Variants in NARS2 observed in about 807,000 individuals in gnomAD.
NARS2 encodes asparaginyl-tRNA synthetase.
In NARS2, 60 loss-of-function variants were observed where a neutral mutation model predicts 62.9. The ratio of observed to expected loss-of-function variants is 0.95; its 90% confidence interval spans 0.77 to 1.18. The LOEUF is 1.18. Among genes scored for constraint, NARS2 ranks in the 50% most tolerant of loss-of-function variants. The pLI, the probability that NARS2 is intolerant of heterozygous loss-of-function variation, is 0.00. For synonymous variants in NARS2, 196 were observed against 200.0 expected (o/e 0.98, Z 0.17); for missense variants, 619 against 576.4 (o/e 1.07, Z -0.76).
At position 78,472,411 on chromosome 11, in the gene NARS2, A is replaced by G. The variant is rs545903020; in HGVS notation, c.960-3098T>C. 2.6e-4 allele frequency among the ~76,000 whole-genome samples: 40 copies of G among 152,324 alleles called. No homozygotes were observed. The South Asian group carries it at 8.3e-3, about 32-fold the overall frequency. On this transcript the variant is annotated intron_variant, in intron 9 of 13. Transcript: ENST00000281038. ...AGTAAAATTGCTCAACTACAAAGAT[A>G]ATTATTGTCATCCTTCGCCTCAAAT...
chr11:78,476,909 G>A (rs761406524), intron 9 of NARS2, among the ~76,000 whole-genome samples: 123 of 152,166 alleles, frequency 8.1e-4, no homozygotes, highest in Non-Finnish European at 8.1e-4. Flanking sequence ...TCTGAGCTTT[G>A]AAATCAGATG....
At chr11:78,445,613 T>C (rs546346591) in intron 11 of NARS2, among the ~76,000 whole-genome samples, 11 of 152,166 alleles carry the variant, frequency 7.2e-5, no homozygotes, top group Middle Eastern at 3.4e-3. Context: ...CAAAGCGAGA[T>C]TTTGTCTGTC....
At chr11:78,487,980 C>G (rs1456775352) in intron 7 of NARS2, among the ~76,000 whole-genome samples, 5 of 152,090 alleles carry the variant, frequency 3.3e-5, no homozygotes, top group African/African-American at 1.2e-4. Flanking sequence ...AGAAGGAAAT[C>G]TGGAACTTGA....
intron 11 of NARS2, among the ~76,000 whole-genome samples, chr11:78,452,872 T>C (rs1260229603): frequency 6.6e-6 from 1 of 152,182 alleles, no homozygotes; most frequent in Non-Finnish European, 1.5e-5. Flanking sequence ...GTCTGTACTT[T>C]ATGGAAAAAG....
intron 5 of NARS2, among the ~76,000 whole-genome samples, chr11:78,554,508 C>CGTGCGTGCGTGTGTGTGT (rs112168447): frequency 2.7e-5 from 4 of 146,914 alleles, no homozygotes; most frequent in Non-Finnish European, 6.0e-5. Context: ...GGCGTGTGTG[C>CGTGCGTGCGTGTGTGTGT]GTGTGTGTGT....
At chr11:78,572,656 T>C (rs955096807) in intron 1 of NARS2, among the ~76,000 whole-genome samples, 4 of 152,212 alleles carry the variant, frequency 2.6e-5, no homozygotes, top group African/African-American at 9.6e-5. Flanking sequence ...AACTATCCTA[T>C]TGCTAAAATT....
chr11:78,544,034 A>AAAAC (rs1555037811), intron 5 of NARS2, among the ~76,000 whole-genome samples: 3 of 151,048 alleles, frequency 2.0e-5, no homozygotes, highest in South Asian at 2.1e-4. Context: ...AAAAAAAAAA[A>AAAAC]AAAAAACTCT....
At chr11:78,491,087 G>A (rs1214295632) in intron 7 of NARS2, among the ~76,000 whole-genome samples, 1 of 152,208 alleles carries the variant, frequency 6.6e-6, no homozygotes, top group Non-Finnish European at 1.5e-5. Context: ...AGCTACTTAA[G>A]GAATGCCACT....
Position 78,466,074 on chromosome 11 carries a change from A to G in NARS2, c.1027-61T>C, listed in dbSNP as rs1040858245. ...ACAGAGGTGAAATATACAATTAAGCAGCTGAAAATAACCTGCATCAATTCT... is the reference window on the plus strand; with the variant it reads ...ACAGAGGTGAAATATACAATTAAGCGGCTGAAAATAACCTGCATCAATTCT... On this transcript the variant is annotated intron_variant, in intron 10 of 13. Coordinates refer to ENST00000281038, the MANE Select transcript of NARS2 (RefSeq NM_024678.6). The G allele has an allele frequency of 8.0e-6, 12 of 1,500,816 alleles. 1 individual carries two copies. In the Middle Eastern group the frequency reaches 7.1e-4, roughly 89 times the overall value. The allele number at this position is 1,500,816 out of a possible 1,614,324, so 93.0% of individuals were successfully genotyped here.
chr11:78,551,832 C>A lies in NARS2; in HGVS notation c.594+7707G>T, dbSNP rs538770711. The stretch of plus-strand genomic sequence containing the variant: ...CGCCATTGTACTCCAGCCTGGGGAA[C>A]AAGAGCGAGACTTTGTCTCAAAAAA... On this transcript the variant is annotated intron_variant, in intron 5 of 13. Transcript: ENST00000281038. Among the ~76,000 whole-genome samples the A allele has an allele frequency of 2.0e-5, 3 of 151,608 alleles. No individual in the cohort carries two copies. The South Asian group carries it at 6.3e-4, about 32-fold the overall frequency.
chr11:78,487,215 G>T (rs1859614251), intron 7 of NARS2, among the ~76,000 whole-genome samples: 1 of 151,958 alleles, frequency 6.6e-6, no homozygotes, highest in South Asian at 2.1e-4. Context: ...AATTAGTCAG[G>T]TATGGTGGCA....
chr11:78,571,833 C>T (rs4944210), intron 1 of NARS2, among the ~76,000 whole-genome samples: 107,128 of 151,862 alleles, frequency 0.71, 38,480 homozygotes, highest in Non-Finnish European at 0.79. Context: ...GTGGGGTGCG[C>T]CCTTCTTTCT....
chr11:78,569,450 C>T (rs188863705), intron 2 of NARS2, among the ~76,000 whole-genome samples: 268 of 152,288 alleles, frequency 1.8e-3, no homozygotes, highest in Non-Finnish European at 3.1e-3. Flanking sequence ...CCACCACGCC[C>T]AGCCCATCTG....
chr11:78,505,510 C>G (rs1450827312), intron 6 of NARS2, among the ~76,000 whole-genome samples: 1 of 150,584 alleles, frequency 6.6e-6, no homozygotes, highest in South Asian at 2.1e-4. Context: ...TGAACTAAAT[C>G]AAAAGCATGG....
intron 9 of NARS2, among the ~76,000 whole-genome samples, chr11:78,475,776 T>A (rs1047838981): frequency 6.6e-6 from 1 of 151,866 alleles, no homozygotes; most frequent in Non-Finnish European, 1.5e-5. Context: ...TATTTATTTA[T>A]TTTTTGTAGA....
chr11:78,492,723 T>C (rs1381111775), intron 7 of NARS2, among the ~76,000 whole-genome samples: 4 of 152,218 alleles, frequency 2.6e-5, no homozygotes, highest in East Asian at 1.9e-4. Flanking sequence ...CCAGACCCCA[T>C]GCTATATGCA....
chr11:78,464,366 G>A (rs1858525799), intron 11 of NARS2, among the ~76,000 whole-genome samples: 1 of 152,204 alleles, frequency 6.6e-6, no homozygotes. Context: ...CGAGCGGGTT[G>A]CTACTGCTGG....
chr11:78,454,169 A>G (rs969870363), intron 11 of NARS2, among the ~76,000 whole-genome samples: 4 of 152,170 alleles, frequency 2.6e-5, no homozygotes, highest in Admixed American at 2.6e-4. Context: ...TTTTATAATT[A>G]AAGTATGACC....
intron 7 of NARS2, among the ~76,000 whole-genome samples, chr11:78,479,577 T>C (rs1045075123): frequency 6.6e-6 from 1 of 152,196 alleles, no homozygotes; most frequent in Admixed American, 6.5e-5. Flanking sequence ...AGCTTGTTCT[T>C]AGAAGGAAAA....
Sources: allele counts gnomAD v4.1 joint callset (sites outside exome capture counted in the v4.1 genomes callset), GRCh38; gene constraint gnomAD v4.1.1; transcripts MANE v1.5; gene names NCBI Gene and HGNC (gene_info 2026-07-23, HGNC 2026-07-21).